Variants in ADH1C observed in about 807,000 individuals in gnomAD.
ADH1C encodes alcohol dehydrogenase 1C.
In ADH1C, 26 loss-of-function variants were observed where a neutral mutation model predicts 35.0. That is an observed-to-expected ratio of 0.74 (90% confidence interval 0.54 to 1.03). ADH1C has a LOEUF of 1.03. Ranked by LOEUF, ADH1C falls within the 50% of genes least tolerant of loss-of-function variation. The pLI is 0.00. For synonymous variants in ADH1C, 170 were observed against 169.3 expected (o/e 1.00, Z -0.03); for missense variants, 413 against 465.4 (o/e 0.89, Z 1.04).
intron 6 of ADH1C, among the ~76,000 whole-genome samples, chr4:99,341,614 T>C (rs1274973975): frequency 2.0e-5 from 3 of 152,184 alleles, no homozygotes; most frequent in African/African-American, 7.2e-5. Flanking sequence ...GGAACTTTGA[T>C]CTCAGGGTGC....
At chr4:99,341,560 A>C (rs965422734) in intron 6 of ADH1C, among the ~76,000 whole-genome samples, 1 of 152,198 alleles carries the variant, frequency 6.6e-6, no homozygotes, top group Admixed American at 6.5e-5. Context: ...GATTCTCTTG[A>C]TACTTTATTC....
At chr4:99,348,520 C>T (rs1214252685) in intron 1 of ADH1C, among the ~76,000 whole-genome samples, 4 of 150,652 alleles carry the variant, frequency 2.7e-5, no homozygotes, top group African/African-American at 9.7e-5. Flanking sequence ...TTAATCCAGT[C>T]TATCATTGTT....
rs897759515 is a variant in ADH1C, at chr4:99,342,021, A to T, written c.828+774T>A. ...GTGAGACCCTGTCTCAAAAAAAAAA[A>T]AAAAATAAATAAATAAATAAAATAA... On this transcript the variant is annotated intron_variant, in intron 6 of 8. Transcript: ENST00000515683. 2.9e-5 allele frequency among the ~76,000 whole-genome samples: 4 copies of T among 135,844 alleles called. No homozygotes were observed. The Admixed American group carries it at 3.0e-4, about 10-fold the overall frequency. The allele number at this position is 135,844 out of a possible 152,430, so 89.1% of individuals were successfully genotyped here. A position where few individuals can be genotyped will look rare whatever the true frequency, so the allele number is the denominator to read the frequency against.
chr4:99,344,525 C>T (rs1220290468), intron 5 of ADH1C, among the ~76,000 whole-genome samples: 1 of 152,128 alleles, frequency 6.6e-6, no homozygotes, highest in African/African-American at 2.4e-5. Context: ...CTAGCAGAAC[C>T]TATGGTGCCT....
rs1158068945 is a variant in ADH1C, at chr4:99,352,666, C to A, written c.10G>T (p.Ala4Ser). 2 of 1,612,784 alleles carry A rather than the reference C, an allele frequency of 1.2e-6. No homozygotes were observed. Among genetic ancestry groups the A allele is most frequent in the Non-Finnish European group, 1.7e-6 (2 of 1,179,048 alleles). The change falls in exon 1 of 9, where the codon GCA (alanine) becomes TCA (serine). Residue 4 changes from alanine to serine, a missense_variant. Physicochemically the swap from Ala to Ser is moderately conservative, Grantham distance 99 (BLOSUM62 1). Coordinates refer to ENST00000515683, the MANE Select transcript of ADH1C (RefSeq NM_000669.5). MSTAGKVIKCKAAV... is the reference protein window; with the variant it reads MSTSGKVIKCKAAV... ...ATATATTTTTTGCTTACTTTTCCTGCTGTGCTCATATTGATTCTGTCTTCT... is the reference window on the plus strand; with the variant it reads ...ATATATTTTTTGCTTACTTTTCCTGATGTGCTCATATTGATTCTGTCTTCT...
Position 99,340,743 on chromosome 4 carries a change from G to A in ADH1C, c.829-33C>T, listed in dbSNP as rs761702687. On this transcript the variant is annotated intron_variant, in intron 6 of 8. Transcript: ENST00000515683. ...AAAGTGAACATTTAGTATCCTTAAC[G>A]TGGAGTGGCATAGTTCATACTCATA... The A allele has an allele frequency of 8.7e-5, 141 of 1,611,742 alleles. No individual in the cohort carries two copies. The South Asian group carries it at 1.2e-3, about 13-fold the overall frequency.
intron 1 of ADH1C, among the ~76,000 whole-genome samples, chr4:99,348,258 CA>C (rs1734588749): frequency 6.9e-6 from 1 of 144,486 alleles, no homozygotes; most frequent in African/African-American, 2.6e-5. Context: ...GTATATCTCC[CA>C]ATGCTATCCC....
intron 3 of ADH1C, among the ~76,000 whole-genome samples, chr4:99,346,543 A>G (rs1489668643): frequency 1.3e-5 from 2 of 151,954 alleles, no homozygotes; most frequent in Non-Finnish European, 2.9e-5. Flanking sequence ...ACCTAAGGAA[A>G]GGTCATGTTT....
chr4:99,349,188 A>G (rs1432303528), intron 1 of ADH1C, among the ~76,000 whole-genome samples: 1 of 144,414 alleles, frequency 6.9e-6, no homozygotes, highest in African/African-American at 2.6e-5. Flanking sequence ...TGTTTTAGAC[A>G]TGAAGTCCTT....
At chr4:99,340,355 A>C (rs1252121546) in intron 7 of ADH1C, among the ~76,000 whole-genome samples, 1 of 152,204 alleles carries the variant, frequency 6.6e-6, no homozygotes, top group Non-Finnish European at 1.5e-5. Context: ...TGGAGGTTGC[A>C]GTGAGTCAAG....
chr4:99,350,212 C>T (rs1734642875), intron 1 of ADH1C, among the ~76,000 whole-genome samples: 1 of 152,128 alleles, frequency 6.6e-6, no homozygotes, highest in Admixed American at 6.5e-5. Context: ...TATGATGTGA[C>T]AGGTGCACTG....
At chr4:99,342,578 T>C (rs35408712) in intron 6 of ADH1C, among the ~76,000 whole-genome samples, 1,557 of 152,328 alleles carry the variant, frequency 0.01, 14 homozygotes, top group Non-Finnish European at 0.014. Context: ...CCCTTTTTCT[T>C]TTCTCGAGGA....
In ADH1C at chr4:99,339,560, A is replaced by G; in HGVS notation, c.1103+17T>C. The G allele has an allele frequency of 6.4e-7, 1 of 1,557,550 alleles. No individual in the cohort carries two copies. The highest frequency in any genetic ancestry group is 8.7e-7 in the Non-Finnish European group (1 of 1,152,844). On this transcript the variant is annotated intron_variant, in intron 8 of 8. Coordinates refer to ENST00000515683, the MANE Select transcript of ADH1C (RefSeq NM_000669.5). ...TGTAGAATACAAAGCAAAACAAAAA[A>G]ACAACTTAAAATCTACCTCTTTCCA...
intron 1 of ADH1C, 65 bp downstream of exon 1, chr4:99,352,593 C>T (rs1734702544): frequency 7.3e-7 from 1 of 1,367,254 alleles, no homozygotes. Flanking sequence ...ATTATTAATA[C>T]TGTATTCCTT....
At position 99,340,637 on chromosome 4, in the gene ADH1C, T is replaced by A; in HGVS notation, c.902A>T (p.Asn301Ile). Residue 301 changes from asparagine (N) to isoleucine (I), a missense_variant, in exon 7 of 9, where the codon AAC becomes ATC. Transcript: ENST00000515683. Reference sequence around the variant, plus strand: ...TAGCAGCATAGGGTTTATTGAGAGGTTCTGGGAATCAGGAGGTACCCCTAC... The same window carrying A: ...TAGCAGCATAGGGTTTATTGAGAGGATCTGGGAATCAGGAGGTACCCCTAC... ...VIVGVPPDSQ[N>I]LSINPMLLLT... 1 of 1,613,786 alleles carries A rather than the reference T, an allele frequency of 6.2e-7. No individual in the cohort carries two copies. The highest frequency in any genetic ancestry group is 8.5e-7 in the Non-Finnish European group (1 of 1,180,010).
Position 99,343,041 on chromosome 4 carries a change from A to G in ADH1C, c.582T>C (p.Ser194=), listed in dbSNP as rs1734453823. The change falls in exon 6 of 9, where the codon TCT becomes TCC. Residue 194 remains serine (S), a synonymous_variant. Transcript: ENST00000515683. The part of the protein sequence containing the change: ...AVKVAKVTPG[S]TCAVFGLGGV... ...CTCCCAGGCCAAACACAGCACAGGTAGACCCTGGGGTGACCTATGTTTTCA... is the reference window on the plus strand; with the variant it reads ...CTCCCAGGCCAAACACAGCACAGGTGGACCCTGGGGTGACCTATGTTTTCA... The G allele has an allele frequency of 6.2e-7, 1 of 1,614,210 alleles. No individual in the cohort carries two copies. Among genetic ancestry groups the G allele is most frequent in the South Asian group, 1.1e-5 (1 of 91,080 alleles).
At position 99,336,614 on chromosome 4, in the gene ADH1C, T is replaced by G. The variant is rs915530114; in HGVS notation, c.*138A>C. The G allele has an allele frequency of 9.4e-7, 1 of 1,068,580 alleles. No homozygotes were observed. The highest frequency in any genetic ancestry group is 1.6e-5 in the African/African-American group (1 of 62,042). The allele number at this position is 1,068,580 out of a possible 1,614,324, so 66.2% of individuals were successfully genotyped here. ...AAATAATTTCCCATCAATTTCCATT[T>G]CTTTGGAAAGCTCCCACGTGTAATT... On this transcript the variant is annotated 3_prime_UTR_variant, in exon 9 of 9. Transcript: ENST00000515683.
At chr4:99,349,099 T>C (rs13147189) in intron 1 of ADH1C, among the ~76,000 whole-genome samples, 27,222 of 136,484 alleles carry the variant, frequency 0.2, 2,833 homozygotes, top group Non-Finnish European at 0.27. Context: ...CTGATGGTAG[T>C]TTCTTTTGCT....
intron 3 of ADH1C, 80 bp from the exon 4 acceptor site, chr4:99,345,346 G>T: frequency 7.4e-7 from 1 of 1,346,210 alleles, no homozygotes; most frequent in Non-Finnish European, 1.0e-6. Flanking sequence ...CACATGTATA[G>T]ATTAGAATTA....
Sources: allele counts gnomAD v4.1 joint callset (sites outside exome capture counted in the v4.1 genomes callset), GRCh38; gene constraint gnomAD v4.1.1; transcripts MANE v1.5; gene names NCBI Gene and HGNC (gene_info 2026-07-23, HGNC 2026-07-21).